The following CCBE1 variants were observed in gnomAD, a reference collection of about 807,000 sequenced individuals.
The protein encoded by CCBE1 is collagen and calcium-binding EGF domain-containing protein 1.
In CCBE1, 37 loss-of-function variants were observed where a neutral mutation model predicts 50.0. That is an observed-to-expected ratio of 0.74 (90% CI 0.57 to 0.97). CCBE1 has a LOEUF of 0.97. Among genes scored for constraint, CCBE1 ranks in the 50% least tolerant of loss-of-function variants. The pLI is 0.00. For missense variants in CCBE1, 538 were observed against 523.8 expected (o/e 1.03, Z -0.26); for synonymous variants, 234 against 203.7 (o/e 1.15, Z -1.27).
At chr18:59,671,827 G>GT (rs2054436518) in intron 2 of CCBE1, among the ~76,000 whole-genome samples, 3 of 149,944 alleles carry the variant, frequency 2.0e-5, no homozygotes, top group East Asian at 1.9e-4. Context: ...AAAAAGGGGG[G>GT]GGGTAGTCAG....
intron 2 of CCBE1, among the ~76,000 whole-genome samples, chr18:59,688,018 TTATAA>T (rs1251133551): frequency 1.3e-5 from 2 of 152,130 alleles, no homozygotes; most frequent in African/African-American, 2.4e-5. Context: ...CTGTATAGTG[TTATAA>T]TATATTTTTA....
chr18:59,656,013 G>A lies in CCBE1; in HGVS notation c.212+40616C>T, dbSNP rs141345315. 2.7e-3 allele frequency among the ~76,000 whole-genome samples: 417 copies of A among 152,340 alleles called. 2 individuals are homozygous for A. Among genetic ancestry groups the A allele is most frequent in the African/African-American group, 9.3e-3 (387 of 41,568 alleles). On this transcript the variant is annotated intron_variant, in intron 2 of 10. Coordinates refer to ENST00000439986, the MANE Select transcript of CCBE1 (RefSeq NM_133459.4). ...TTTCTTCTAAATGTTGACTCTCTGT[G>A]AATGTAGTGACCAGGGTTACCAAAA...
At chr18:59,695,849 C>A (rs1457262236) in intron 2 of CCBE1, among the ~76,000 whole-genome samples, 1 of 152,120 alleles carries the variant, frequency 6.6e-6, no homozygotes, top group Non-Finnish European at 1.5e-5. Flanking sequence ...ATCCAATAAA[C>A]GTTTATGGGT....
At chr18:59,639,669 A>T (rs1020033585) in intron 2 of CCBE1, among the ~76,000 whole-genome samples, 90 of 152,308 alleles carry the variant, frequency 5.9e-4, no homozygotes, top group African/African-American at 2.1e-3. Flanking sequence ...AAGAAATAAA[A>T]GGTATCAAAA....
intron 2 of CCBE1, among the ~76,000 whole-genome samples, chr18:59,552,938 T>C (rs1014748059): frequency 8.5e-5 from 13 of 152,134 alleles, no homozygotes; most frequent in African/African-American, 3.1e-4. Context: ...TACAAAGATA[T>C]AAAACAGTAA....
intron 2 of CCBE1, among the ~76,000 whole-genome samples, chr18:59,484,280 A>C (rs1224871772): frequency 1.3e-5 from 2 of 152,248 alleles, no homozygotes; most frequent in African/African-American, 4.8e-5. Flanking sequence ...CCAGTGATTC[A>C]TGAGAAAGTT....
intron 2 of CCBE1, among the ~76,000 whole-genome samples, chr18:59,596,731 C>T (rs193237781): frequency 7.2e-5 from 11 of 152,330 alleles, no homozygotes; most frequent in East Asian, 5.8e-4. Context: ...ATTTCCATCA[C>T]GTAGCAAAGG....
intron 2 of CCBE1, among the ~76,000 whole-genome samples, chr18:59,616,951 C>T (rs1360513824): frequency 2.0e-5 from 3 of 152,088 alleles, no homozygotes; most frequent in Non-Finnish European, 4.4e-5. Flanking sequence ...GCCTGTCATG[C>T]CTGCTTCACA....
intron 7 of CCBE1, among the ~76,000 whole-genome samples, chr18:59,444,318 A>T (rs977963163): frequency 6.6e-6 from 1 of 151,572 alleles, no homozygotes; most frequent in African/African-American, 2.4e-5. Flanking sequence ...ATATATATAC[A>T]TTTTTTTTAG....
chr18:59,568,473 G>A (rs1050820169), intron 2 of CCBE1: 1 of 152,176 alleles, frequency 6.6e-6, no homozygotes, highest in African/African-American at 2.4e-5. Flanking sequence ...CCTCCAAGAA[G>A]AAACCAATGG....
chr18:59,458,133 C>T (rs961447565), intron 5 of CCBE1, among the ~76,000 whole-genome samples: 1 of 151,024 alleles, frequency 6.6e-6, no homozygotes, highest in Non-Finnish European at 1.5e-5. Context: ...TCCATCCATC[C>T]ATCCATCCAT....
At chr18:59,547,071 GGGGGAGAGAA>G (rs1915723427) in intron 2 of CCBE1, among the ~76,000 whole-genome samples, 1 of 65,412 alleles carries the variant, frequency 1.5e-5, no homozygotes, top group African/African-American at 8.7e-5. Flanking sequence ...GGGGGAGAGA[GGGGGAGAGAA>G]AGGGAGAGAG....
chr18:59,640,345 G>A (rs1331136576), intron 2 of CCBE1, among the ~76,000 whole-genome samples: 1 of 152,132 alleles, frequency 6.6e-6, no homozygotes, highest in African/African-American at 2.4e-5. Context: ...ACAACCATCT[G>A]ATCTTCAACA....
At chr18:59,458,084 A>G (rs1434412995) in intron 5 of CCBE1, among the ~76,000 whole-genome samples, 1 of 152,170 alleles carries the variant, frequency 6.6e-6, no homozygotes, top group Non-Finnish European at 1.5e-5. Context: ...CTACTGGTCA[A>G]TTTACAGAAT....
chr18:59,449,343 T>G (rs1290098840), intron 6 of CCBE1, among the ~76,000 whole-genome samples: 1 of 146,250 alleles, frequency 6.8e-6, no homozygotes, highest in African/African-American at 2.6e-5. Flanking sequence ...TCTGGGGGCC[T>G]GGGCACTGTG....
At chr18:59,607,213 C>T (rs2053510206) in intron 2 of CCBE1, among the ~76,000 whole-genome samples, 2 of 152,168 alleles carry the variant, frequency 1.3e-5, no homozygotes, top group Admixed American at 6.5e-5. Flanking sequence ...ATTTGGTTCT[C>T]TAATTTTGCA....
chr18:59,474,558 AG>A (rs1487443424), intron 3 of CCBE1, among the ~76,000 whole-genome samples: 4 of 152,162 alleles, frequency 2.6e-5, no homozygotes, highest in African/African-American at 9.7e-5. Flanking sequence ...TCAATGTGTG[AG>A]CATTTACCGA....
intron 2 of CCBE1, among the ~76,000 whole-genome samples, chr18:59,672,355 C>A (rs11661401): frequency 0.25 from 38,448 of 152,180 alleles, 5,647 homozygotes; most frequent in Non-Finnish European, 0.34. Context: ...GCCCTGTCAC[C>A]TGCTTTGATC....
At chr18:59,456,545 C>T (rs1031475095) in intron 5 of CCBE1, among the ~76,000 whole-genome samples, 23 of 152,178 alleles carry the variant, frequency 1.5e-4, no homozygotes, top group Admixed American at 2.0e-4. Flanking sequence ...GGGAAAGGCA[C>T]GGAATGGATT....
Sources: gnomAD v4.1 joint callset for allele counts (sites outside exome capture counted in the v4.1 genomes callset) on GRCh38, gnomAD v4.1.1 for gene constraint, MANE v1.5 for transcripts, NCBI Gene and HGNC (gene_info 2026-07-23, HGNC 2026-07-21) for gene names.